The following CDH4 variants were observed in gnomAD, a reference collection of about 807,000 sequenced individuals.
The protein encoded by CDH4 is cadherin 4.
Under a neutral mutation model 86.0 loss-of-function variants are expected in CDH4, and 33 were observed. That is an observed-to-expected ratio of 0.38 (90% confidence interval 0.29 to 0.51). CDH4 has a LOEUF of 0.51. Ranked by LOEUF, CDH4 falls within the 20% of genes least tolerant of loss-of-function variation. The pLI is 0.86. For missense variants in CDH4, 1,114 were observed against 1,307.4 expected, an observed-to-expected ratio of 0.85 and a Z score of 2.28; for synonymous variants, 555 against 549.4, an observed-to-expected ratio of 1.01 and a Z score of -0.14.
rs560349986 is a variant in CDH4 at position 61,878,502 on chromosome 20, G to A, written c.1050+4602G>A. On this transcript the variant is annotated intron_variant, in intron 7 of 15. Coordinates refer to ENST00000614565, the MANE Select transcript of CDH4 (RefSeq NM_001794.5). ...TTTCCCCTTCTAAAGGCACCAGCTCGAGGGCTTCCATTAGGGAAGCTGCCT... is the reference window on the plus strand; with the variant it reads ...TTTCCCCTTCTAAAGGCACCAGCTCAAGGGCTTCCATTAGGGAAGCTGCCT... Among the ~76,000 whole-genome samples the A allele has an allele frequency of 7.9e-5, 12 of 152,294 alleles. No individual in the cohort carries two copies. In the South Asian group the frequency reaches 2.1e-3, roughly 26 times the overall value.
At chr20:61,334,449 G>C (rs2084605856) in intron 2 of CDH4, among the ~76,000 whole-genome samples, 1 of 152,130 alleles carries the variant, frequency 6.6e-6, no homozygotes, top group Non-Finnish European at 1.5e-5. Context: ...AACCGCCTGA[G>C]ACCGGCTAAT....
At chr20:61,715,554 G>C (rs998906829) in intron 2 of CDH4, among the ~76,000 whole-genome samples, 1 of 152,192 alleles carries the variant, frequency 6.6e-6, no homozygotes, top group Non-Finnish European at 1.5e-5. Flanking sequence ...ATCCATTCAC[G>C]AGGGCAGAGC....
At chr20:61,564,763 G>A (rs1194402933) in intron 2 of CDH4, among the ~76,000 whole-genome samples, 1 of 152,172 alleles carries the variant, frequency 6.6e-6, no homozygotes, top group African/African-American at 2.4e-5. Context: ...ACACGAGCTG[G>A]GATCGGGAAG....
At chr20:61,858,265 CTG>C (rs1429706870) in intron 6 of CDH4, among the ~76,000 whole-genome samples, 1 of 128,846 alleles carries the variant, frequency 7.8e-6, no homozygotes, top group Non-Finnish European at 1.7e-5. Context: ...GTCTGTGTGT[CTG>C]TGTCTATGTG....
chr20:61,507,871 C>T (rs1384185375), intron 2 of CDH4, among the ~76,000 whole-genome samples: 1 of 152,238 alleles, frequency 6.6e-6, no homozygotes, highest in East Asian at 1.9e-4. Context: ...GGCAGGATCG[C>T]TCTGTGTTAT....
intron 2 of CDH4, among the ~76,000 whole-genome samples, chr20:61,694,267 G>A (rs1457282664): frequency 2.0e-5 from 3 of 152,122 alleles, no homozygotes; most frequent in Admixed American, 6.5e-5. Context: ...AAGCCACACT[G>A]ACTTGCCTGG....
At chr20:61,614,089 T>C (rs1353658646) in intron 2 of CDH4, among the ~76,000 whole-genome samples, 2 of 152,104 alleles carry the variant, frequency 1.3e-5, no homozygotes, top group Non-Finnish European at 2.9e-5. Flanking sequence ...TCCAGGTTCC[T>C]GGCTCGGCTC....
At chr20:61,562,803 C>T (rs1362915390) in intron 2 of CDH4, among the ~76,000 whole-genome samples, 2 of 152,230 alleles carry the variant, frequency 1.3e-5, no homozygotes, top group Admixed American at 6.5e-5. Flanking sequence ...ATATGTAAAT[C>T]GTGGTTCAGT....
chr20:61,671,593 G>A (rs932627508), intron 2 of CDH4, among the ~76,000 whole-genome samples: 12 of 151,954 alleles, frequency 7.9e-5, no homozygotes, highest in Non-Finnish European at 1.6e-4. Flanking sequence ...TGATGAACGG[G>A]TGGATGGATG....
chr20:61,273,934 G>C (rs1329957610), intron 2 of CDH4, among the ~76,000 whole-genome samples: 1 of 148,786 alleles, frequency 6.7e-6, no homozygotes, highest in Non-Finnish European at 1.5e-5. Context: ...GTTTGGAGGA[G>C]TATTGTGTGC....
At chr20:61,728,438 G>A (rs2088140274) in intron 2 of CDH4, among the ~76,000 whole-genome samples, 1 of 152,264 alleles carries the variant, frequency 6.6e-6, no homozygotes, top group East Asian at 1.9e-4. Flanking sequence ...AAGGGCTCAA[G>A]GGCCATGTCT....
At chr20:61,934,272 T>C in intron 15 of CDH4, 52 bp downstream of exon 15, 1 of 1,488,952 alleles carries the variant, frequency 6.7e-7, no homozygotes. Flanking sequence ...CCTCTAAAAA[T>C]TAAATTCTGG....
intron 2 of CDH4, among the ~76,000 whole-genome samples, chr20:61,373,526 C>T (rs1490662636): frequency 1.3e-5 from 2 of 152,188 alleles, no homozygotes; most frequent in Non-Finnish European, 2.9e-5. Flanking sequence ...TCCTGGGGCT[C>T]GCAGGACCAT....
At position 61,565,321 on chromosome 20, in the gene CDH4, GCTCTTGGTGATGGTGGTA is replaced by G. The variant is rs1428442296; in HGVS notation, c.170-178241_170-178224del. On this transcript the variant is annotated intron_variant, in intron 2 of 15. Coordinates refer to ENST00000614565, the MANE Select transcript of CDH4 (RefSeq NM_001794.5). Reference sequence around the variant, plus strand: ...TGGCGGTGCTCTTGGTGGTGGCGGTGCTCTTGGTGATGGTGGTAGTGGTCCTCTTGGTGATGGGGTGAT... The same window carrying G: ...TGGCGGTGCTCTTGGTGGTGGCGGTGGTGGTCCTCTTGGTGATGGGGTGAT... Among the ~76,000 whole-genome samples the G allele has an allele frequency of 5.0e-5, 5 of 100,312 alleles. 1 individual carries two copies. Among genetic ancestry groups the G allele is most frequent in the South Asian group, 4.2e-4 (1 of 2,398 alleles). 65.8% of individuals were successfully genotyped at this position (100,312 alleles called of 152,430 possible).
intron 2 of CDH4, among the ~76,000 whole-genome samples, chr20:61,458,273 C>CTGGTGG (rs1394719612): frequency 6.7e-6 from 1 of 149,584 alleles, no homozygotes; most frequent in African/African-American, 2.5e-5. Flanking sequence ...AGTGCTGATG[C>CTGGTGG]TGGTGGTGGT....
intron 2 of CDH4, among the ~76,000 whole-genome samples, chr20:61,394,511 C>T (rs1463190154): frequency 1.3e-5 from 2 of 152,034 alleles, no homozygotes; most frequent in African/African-American, 4.8e-5. Flanking sequence ...TGAGAATGTC[C>T]GTTTCTCTGG....
intron 2 of CDH4, among the ~76,000 whole-genome samples, chr20:61,274,083 T>G (rs1477801716): frequency 1.6e-5 from 2 of 121,742 alleles, no homozygotes; most frequent in Non-Finnish European, 3.3e-5. Flanking sequence ...GGGAGTACTG[T>G]GTGCAGTTTT....
chr20:61,766,209 G>A (rs1322205777), intron 3 of CDH4, among the ~76,000 whole-genome samples: 29 of 137,042 alleles, frequency 2.1e-4, no homozygotes, highest in South Asian at 5.4e-4. Context: ...AGTCTCCCTC[G>A]CCACTTGGCC....
intron 2 of CDH4, chr20:61,718,482 T>C: frequency 7.4e-6 from 2 of 270,568 alleles, no homozygotes; most frequent in Non-Finnish European, 1.5e-5. Flanking sequence ...CTGACGCTGG[T>C]TAGAGGCAGT....
Sources: allele counts gnomAD v4.1 joint callset (sites outside exome capture counted in the v4.1 genomes callset), GRCh38; gene constraint gnomAD v4.1.1; transcripts MANE v1.5; gene names NCBI Gene and HGNC (gene_info 2026-07-23, HGNC 2026-07-21).